The following WDR27 variants were observed in gnomAD, a reference collection of about 807,000 sequenced individuals.
The protein encoded by WDR27 is WD repeat-containing protein 27.
A neutral mutation model predicts 114.4 loss-of-function variants in WDR27; 100 were observed. The observed-to-expected ratio is 0.87, with a 90% CI of 0.74 to 1.03. WDR27 has a LOEUF of 1.03. Among genes scored for constraint, WDR27 ranks in the 50% least tolerant of loss-of-function variants. The probability of loss-of-function intolerance (pLI) is 0.00; values close to 1 mark genes in which losing one functional copy is unlikely to be tolerated. For missense variants in WDR27, 1,129 were observed against 1,092.9 expected, an observed-to-expected ratio of 1.03 and a Z score of -0.47; for synonymous variants, 449 against 423.1, an observed-to-expected ratio of 1.06 and a Z score of -0.75.
In WDR27 at chr6:169,630,476, C is replaced by T. The variant is rs566641287; in HGVS notation, c.2223+2471G>A. ...GGTATCTTAAAGTCAAATGTCTTTGCGTGGAAGTTTCACTAAATAAATTTA... is the reference window on the plus strand; with the variant it reads ...GGTATCTTAAAGTCAAATGTCTTTGTGTGGAAGTTTCACTAAATAAATTTA... On this transcript the variant is annotated intron_variant, in intron 21 of 25. Coordinates refer to ENST00000448612, the MANE Select transcript of WDR27 (RefSeq NM_182552.5). 7.9e-5 allele frequency among the ~76,000 whole-genome samples: 12 copies of T among 152,300 alleles called. No homozygotes were observed. The East Asian group carries it at 1.3e-3, about 17-fold the overall frequency.
chr6:169,690,898 C>T (rs946073852), intron 1 of WDR27, among the ~76,000 whole-genome samples: 1 of 152,140 alleles, frequency 6.6e-6, no homozygotes, highest in Non-Finnish European at 1.5e-5. Flanking sequence ...GGAGAATGGA[C>T]CACTCGAGAT....
chr6:169,658,334 T>A lies in WDR27; in HGVS notation c.1344A>T (p.Pro448=). ...PASSCVLPTS[P]LYLGIAKEKS... The stretch of plus-strand genomic sequence containing the variant: ...TCTCCTTGGCAATTCCCAGATACAG[T>A]GGAGAGGTCGGTAGGACACAGGAGC... The change falls in exon 13 of 26, where the codon CCA becomes CCT. Residue 448 remains proline (P), a synonymous_variant. Transcript: ENST00000448612. The A allele has an allele frequency of 6.2e-7, 1 of 1,600,588 alleles. No homozygotes were observed. The highest frequency in any genetic ancestry group is 2.2e-5 in the East Asian group (1 of 44,522).
At chr6:169,689,076 A>G in intron 1 of WDR27, 64 bp from the exon 2 acceptor site, 1 of 1,153,944 alleles carries the variant, frequency 8.7e-7, no homozygotes, top group Non-Finnish European at 1.2e-6. Context: ...AAAAAAGTCT[A>G]TTACCTACTG....
chr6:169,578,603 T>C (rs976455984), intron 24 of WDR27, among the ~76,000 whole-genome samples: 2 of 152,164 alleles, frequency 1.3e-5, no homozygotes, highest in Non-Finnish European at 2.9e-5. Context: ...GGGATGCTGG[T>C]GCAAACTCTG....
At chr6:169,451,077 G>A in the WDR27 span, among the ~76,000 whole-genome samples, 5 of 152,140 alleles carry the variant, frequency 3.3e-5, no homozygotes. Flanking sequence ...ACTTCCTTGT[G>A]GAACAAGGAC....
At chr6:169,501,086 G>A (rs1379525786) in intron 25 of WDR27, among the ~76,000 whole-genome samples, 1 of 152,238 alleles carries the variant, frequency 6.6e-6, no homozygotes, top group Non-Finnish European at 1.5e-5. Flanking sequence ...TAGAGAGGGA[G>A]AAGACACTGT....
chr6:169,675,919 T>C (rs9637985), intron 2 of WDR27, among the ~76,000 whole-genome samples: 3 of 152,326 alleles, frequency 2.0e-5, no homozygotes, highest in South Asian at 2.1e-4. Flanking sequence ...CTATAGAATA[T>C]GGATTTTTCC....
rs551715190 is a variant in WDR27 at position 169,541,822 on chromosome 6, T to G, written c.2645+30597A>C. On this transcript the variant is annotated intron_variant, in intron 25 of 25. Coordinates refer to ENST00000448612, the MANE Select transcript of WDR27 (RefSeq NM_182552.5). ...TGAGACTTAAAAAATTCTAATGTAA[T>G]AAATAATGATGATAAATCTTAACAT... is the stretch of plus-strand genomic sequence containing the variant. 2.0e-5 allele frequency among the ~76,000 whole-genome samples: 3 copies of G among 152,332 alleles called. No homozygotes were observed. In the East Asian group the frequency reaches 5.8e-4, roughly 29 times the overall value.
intron 16 of WDR27, among the ~76,000 whole-genome samples, chr6:169,644,370 C>A (rs569843944): frequency 1.3e-5 from 2 of 151,806 alleles, no homozygotes; most frequent in South Asian, 4.2e-4. Context: ...ATACGAGTCA[C>A]ACTGTAGAAA....
chr6:169,608,486 C>T (rs1809753039), intron 22 of WDR27, among the ~76,000 whole-genome samples: 1 of 152,124 alleles, frequency 6.6e-6, no homozygotes, highest in South Asian at 2.1e-4. Context: ...GGGCAAGTCC[C>T]ATCTTACATG....
chr6:169,621,617 C>CGCATATACATACCCACACAT, intron 21 of WDR27, among the ~76,000 whole-genome samples: 1 of 150,600 alleles, frequency 6.6e-6, no homozygotes, highest in African/African-American at 2.4e-5. Context: ...CATGCATTCA[C>CGCATATACATACCCACACAT]GCATATACAT....
intron 2 of WDR27, among the ~76,000 whole-genome samples, chr6:169,687,783 C>T (rs1422730523): frequency 6.6e-6 from 1 of 152,176 alleles, no homozygotes; most frequent in Non-Finnish European, 1.5e-5. Context: ...AAAGGTACCC[C>T]TCCAAATATG....
chr6:169,621,845 CACAT>C (rs1237203715), intron 21 of WDR27, among the ~76,000 whole-genome samples: 49 of 152,290 alleles, frequency 3.2e-4, no homozygotes, highest in African/African-American at 1.2e-3. Context: ...CGCATATACA[CACAT>C]ATTCACGCAT....
intron 25 of WDR27, among the ~76,000 whole-genome samples, chr6:169,532,498 A>G (rs1392400793): frequency 3.3e-5 from 5 of 152,200 alleles, no homozygotes; most frequent in Non-Finnish European, 5.9e-5. Flanking sequence ...TAACTTGAAC[A>G]GAGCAGAGGG....
intron 25 of WDR27, among the ~76,000 whole-genome samples, chr6:169,541,600 T>G (rs553498186): frequency 3.6e-4 from 55 of 152,324 alleles, no homozygotes; most frequent in African/African-American, 1.3e-3. Flanking sequence ...AACCACGAAC[T>G]CTTTTTGAGA....
rs528792708 is a variant in WDR27 at position 169,481,334 on chromosome 6, G to A, written c.2646-23700C>T. ...CTCTCTGTAAAACAGACCAATCAGCGCTCTGTAAAATGGACCAATCAGCTC... is the reference window on the plus strand; with the variant it reads ...CTCTCTGTAAAACAGACCAATCAGCACTCTGTAAAATGGACCAATCAGCTC... On this transcript the variant is annotated intron_variant, in intron 25 of 25. Coordinates refer to ENST00000448612, the MANE Select transcript of WDR27 (RefSeq NM_182552.5). Among the ~76,000 whole-genome samples the A allele has an allele frequency of 8.5e-4, 130 of 152,246 alleles. 1 individual carries two copies. In the Middle Eastern group the frequency reaches 0.014, roughly 16 times the overall value.
intron 25 of WDR27, among the ~76,000 whole-genome samples, chr6:169,505,861 G>T (rs1315918013): frequency 4.6e-5 from 7 of 152,186 alleles, no homozygotes; most frequent in African/African-American, 1.7e-4. Context: ...GGGGACCTGA[G>T]AATCTGCTTG....
chr6:169,558,866 T>C (rs2128111127), intron 25 of WDR27: 1 of 152,356 alleles, frequency 6.6e-6, no homozygotes, highest in Non-Finnish European at 1.5e-5. Context: ...AGCAGGCTTC[T>C]CATTTTGACT....
At chr6:169,630,366 C>A (rs898332948) in intron 21 of WDR27, among the ~76,000 whole-genome samples, 1 of 152,148 alleles carries the variant, frequency 6.6e-6, no homozygotes, top group Non-Finnish European at 1.5e-5. Flanking sequence ...CAGTTCAAAT[C>A]GGCGCATGTC....
Sources: gnomAD v4.1 joint callset for allele counts (sites outside exome capture counted in the v4.1 genomes callset) on GRCh38, gnomAD v4.1.1 for gene constraint, MANE v1.5 for transcripts, NCBI Gene and HGNC (gene_info 2026-07-23, HGNC 2026-07-21) for gene names.